Variants in B3GLCT observed in about 807,000 individuals in gnomAD.
The protein encoded by B3GLCT is beta 3-glucosyltransferase.
Under a neutral mutation model 63.4 loss-of-function variants are expected in B3GLCT, and 65 were observed. The ratio of observed to expected loss-of-function variants is 1.03; its 90% CI spans 0.84 to 1.26. B3GLCT has a LOEUF of 1.26. Among genes scored for constraint, B3GLCT ranks in the 50% most tolerant of loss-of-function variants. B3GLCT has a pLI of 0.00. For missense variants in B3GLCT, 577 were observed against 604.8 expected (o/e 0.95, Z 0.48); for synonymous variants, 233 against 219.2 (o/e 1.06, Z -0.55).
chr13:31,272,000 A>G (rs976301344), intron 8 of B3GLCT, among the ~76,000 whole-genome samples: 1 of 152,086 alleles, frequency 6.6e-6, no homozygotes, highest in Non-Finnish European at 1.5e-5. Context: ...TGTTTGCCTC[A>G]TAATCGTTTT....
At position 31,225,694 on chromosome 13, in the gene B3GLCT, G is replaced by A. The variant is rs140407157; in HGVS notation, c.160+2703G>A. Among the ~76,000 whole-genome samples, 122 of 152,150 alleles carry A rather than the reference G, an allele frequency of 8.0e-4. 2 individuals are homozygous for A. The East Asian group carries it at 0.023, about 29-fold the overall frequency. ...TATACCTAACCGTTAGTATTTTCCT[G>A]CCCTAAATTTGATTCTGTCCCAAAC... On this transcript the variant is annotated intron_variant, in intron 3 of 14. Coordinates refer to ENST00000343307, the MANE Select transcript of B3GLCT (RefSeq NM_194318.4).
chr13:31,236,865 C>A (rs1593264032), intron 4 of B3GLCT, among the ~76,000 whole-genome samples: 1 of 152,220 alleles, frequency 6.6e-6, no homozygotes, highest in South Asian at 2.1e-4. Flanking sequence ...GGTGGTTCAC[C>A]CCTGTAATCC....
intron 9 of B3GLCT, among the ~76,000 whole-genome samples, chr13:31,276,306 C>A (rs1437812108): frequency 1.3e-5 from 2 of 152,190 alleles, no homozygotes; most frequent in African/African-American, 4.8e-5. Flanking sequence ...CTATTTCTCT[C>A]TTTTTGTCAA....
intron 7 of B3GLCT, 94 bp downstream of exon 7, chr13:31,261,176 A>C: frequency 1.4e-6 from 2 of 1,433,886 alleles, no homozygotes; most frequent in Non-Finnish European, 1.9e-6. Context: ...TCAGGATCTC[A>C]AATGAGTTTT....
chr13:31,318,532 C>T (rs754029059), intron 13 of B3GLCT, among the ~76,000 whole-genome samples: 1 of 152,102 alleles, frequency 6.6e-6, no homozygotes, highest in East Asian at 1.9e-4. Context: ...GGTGGTGGCT[C>T]TTTTGTAGTG....
rs149392603 is a variant in B3GLCT at position 31,293,775 on chromosome 13, G to A, written c.1064+6956G>A. Among the ~76,000 whole-genome samples, 34 of 152,292 alleles carry A rather than the reference G, an allele frequency of 2.2e-4. 1 individual carries two copies. The East Asian group carries it at 6.4e-3, about 29-fold the overall frequency. ...TCTTTTATCCAATTTGCCAGTCTGT[G>A]TCTTTTAAATGGAGCATTTAGCCCA... is the stretch of plus-strand genomic sequence containing the variant. On this transcript the variant is annotated intron_variant, in intron 12 of 14. Coordinates refer to ENST00000343307, the MANE Select transcript of B3GLCT (RefSeq NM_194318.4).
At chr13:31,316,622 G>A (rs1038875890) in intron 12 of B3GLCT, among the ~76,000 whole-genome samples, 6 of 151,168 alleles carry the variant, frequency 4.0e-5, no homozygotes, top group Non-Finnish European at 7.4e-5. Context: ...TTTACCCCCT[G>A]TATCCCCATT....
intron 12 of B3GLCT, among the ~76,000 whole-genome samples, chr13:31,288,187 A>G (rs142244561): frequency 1.7e-3 from 254 of 152,334 alleles, no homozygotes; most frequent in Non-Finnish European, 2.9e-3. Context: ...CAGGAATGCC[A>G]TAATGGACAC....
chr13:31,281,444 C>A (rs1873066731), intron 10 of B3GLCT, among the ~76,000 whole-genome samples: 1 of 151,964 alleles, frequency 6.6e-6, no homozygotes, highest in Admixed American at 6.6e-5. Flanking sequence ...AAAGGTGAGG[C>A]TTGAATTAAA....
chr13:31,267,676 A>G lies in B3GLCT; in HGVS notation c.597-1538A>G, dbSNP rs934118956. On this transcript the variant is annotated intron_variant, in intron 7 of 14. Transcript: ENST00000343307. ...TGTGTTAGTATCAGCTGTGAGACAA[A>G]TGCTTTGTAATGAAGCACATTTATC... 2.0e-5 allele frequency among the ~76,000 whole-genome samples: 3 copies of G among 152,304 alleles called. No homozygotes were observed. The South Asian group carries it at 6.2e-4, about 32-fold the overall frequency.
At chr13:31,214,820 GTTTC>G (rs1227708203) in intron 1 of B3GLCT, among the ~76,000 whole-genome samples, 2 of 152,206 alleles carry the variant, frequency 1.3e-5, no homozygotes, top group Non-Finnish European at 2.9e-5. Flanking sequence ...CTGATGTACT[GTTTC>G]TTTTGCTTGG....
intron 12 of B3GLCT, chr13:31,312,894 CTT>C (rs1413444837): frequency 1.3e-5 from 2 of 152,340 alleles, no homozygotes; most frequent in East Asian, 3.9e-4. Flanking sequence ...TTACACCACT[CTT>C]ATTACGAGGC....
chr13:31,237,835 G>C (rs916578117), intron 4 of B3GLCT, among the ~76,000 whole-genome samples: 1 of 152,124 alleles, frequency 6.6e-6, no homozygotes, highest in African/African-American at 2.4e-5. Flanking sequence ...GGTATGCACC[G>C]TGCCTGTAAG....
intron 10 of B3GLCT, among the ~76,000 whole-genome samples, chr13:31,277,131 CAG>C (rs1872834633): frequency 6.6e-6 from 1 of 152,240 alleles, no homozygotes; most frequent in East Asian, 1.9e-4. Flanking sequence ...TGAAGAATGT[CAG>C]GGGATTTCAA....
At chr13:31,203,784 C>G (rs1023625508) in intron 1 of B3GLCT, among the ~76,000 whole-genome samples, 3 of 152,174 alleles carry the variant, frequency 2.0e-5, no homozygotes, top group South Asian at 2.1e-4. Context: ...TTGTGAGTTT[C>G]AAGGGTTCAT....
intron 1 of B3GLCT, 127 bp from the exon 2 acceptor site, chr13:31,214,924 C>A: frequency 1.1e-6 from 1 of 896,210 alleles, no homozygotes; most frequent in Non-Finnish European, 1.7e-6. Flanking sequence ...AATGCAGCTG[C>A]TTAAAAATGA....
At position 31,222,949 on chromosome 13, in the gene B3GLCT, C is replaced by G; in HGVS notation, c.121-3C>G. On this transcript the variant is annotated splice_polypyrimidine_tract_variant and splice_region_variant and intron_variant, in intron 2 of 14. Transcript: ENST00000343307. Reference sequence around the variant, plus strand: ...ATCTTTTTCTCTTTCATTTAAAATACAGGATTTGGAGAAAAGTGGTATATC... The same window carrying G: ...ATCTTTTTCTCTTTCATTTAAAATAGAGGATTTGGAGAAAAGTGGTATATC... 3.3e-6 allele frequency: 5 copies of G among 1,514,108 alleles called. No individual in the cohort carries two copies. Among genetic ancestry groups the G allele is most frequent in the Non-Finnish European group, 3.7e-6 (4 of 1,089,970 alleles). 93.8% of individuals were successfully genotyped at this position (1,514,108 alleles called of 1,614,324 possible). A position where few individuals can be genotyped will look rare whatever the true frequency, so the allele number is the denominator to read the frequency against.
At chr13:31,257,298 T>C (rs568103690) in intron 6 of B3GLCT, among the ~76,000 whole-genome samples, 8 of 152,134 alleles carry the variant, frequency 5.3e-5, no homozygotes, top group African/African-American at 1.7e-4. Flanking sequence ...TATATTGGCA[T>C]GGTATGTAAA....
intron 2 of B3GLCT, among the ~76,000 whole-genome samples, chr13:31,217,650 C>T (rs1174813909): frequency 6.6e-6 from 1 of 152,184 alleles, no homozygotes; most frequent in Non-Finnish European, 1.5e-5. Flanking sequence ...TGTCAATCTT[C>T]TGTATATGGC....
Sources: allele counts gnomAD v4.1 joint callset (sites outside exome capture counted in the v4.1 genomes callset), GRCh38; gene constraint gnomAD v4.1.1; transcripts MANE v1.5; gene names NCBI Gene and HGNC (gene_info 2026-07-23, HGNC 2026-07-21).